TRPM3: variants seen among roughly 807,000 people sequenced by gnomAD.
The protein encoded by TRPM3 is transient receptor potential cation channel subfamily M member 3, also known as long transient receptor potential channel 3.
Under a neutral mutation model 181.2 loss-of-function variants are expected in TRPM3, and 77 were observed. That is an observed-to-expected ratio of 0.42 (90% CI 0.35 to 0.51). The LOEUF (loss-of-function observed/expected upper bound fraction) is 0.51, where lower values mean the gene tolerates loss of function less well. Among genes scored for constraint, TRPM3 ranks in the 20% least tolerant of loss-of-function variants. The probability of loss-of-function intolerance (pLI) is 0.01; values close to 1 mark genes in which losing one functional copy is unlikely to be tolerated. For synonymous variants in TRPM3, 745 were observed against 796.4 expected (o/e 0.94, Z 1.09); for missense variants, 1,759 against 2,196.7 (o/e 0.80, Z 3.98).
At chr9:70,899,064 T>C (rs2096342710) in intron 1 of TRPM3, among the ~76,000 whole-genome samples, 1 of 152,216 alleles carries the variant, frequency 6.6e-6, no homozygotes, top group South Asian at 2.1e-4. Flanking sequence ...ATAAAGTGTT[T>C]GGAGAATCTG....
chr9:71,299,529 AAAAAG>A (rs2086591401), intron 1 of TRPM3, among the ~76,000 whole-genome samples: 1 of 116,658 alleles, frequency 8.6e-6, no homozygotes, highest in South Asian at 2.9e-4. Flanking sequence ...GGAAGGGAGA[AAAAAG>A]AAAAGGAAGG....
At chr9:71,226,541 G>C (rs1219347322) in intron 1 of TRPM3, among the ~76,000 whole-genome samples, 2 of 151,874 alleles carry the variant, frequency 1.3e-5, no homozygotes, top group Non-Finnish European at 2.9e-5. Flanking sequence ...ACTTATATCA[G>C]ACAAAAATAT....
intron 1 of TRPM3, among the ~76,000 whole-genome samples, chr9:71,203,212 G>C (rs2078914039): frequency 2.0e-5 from 3 of 152,184 alleles, no homozygotes. Flanking sequence ...GAGCTGGTTA[G>C]AATGCTGGTT....
At chr9:71,407,820 C>A (rs887009369) in intron 1 of TRPM3, among the ~76,000 whole-genome samples, 42 of 152,268 alleles carry the variant, frequency 2.8e-4, no homozygotes, top group African/African-American at 9.9e-4. Context: ...GAGACACCTC[C>A]CAATAGGGGC....
Position 70,761,622 on chromosome 9 carries a change from C to T in TRPM3, c.1251G>A (p.Glu417=), listed in dbSNP as rs1325200082. ...QAQHLFIILM[E]CMKKKELITV... is the part of the protein sequence containing the mutation. The stretch of plus-strand genomic sequence containing the variant: ...CTACCAATTCCTTCTTCTTCATGCA[C>T]TCCATGAGGATGATGAACAGATGCT... The change falls in exon 8 of 26, where the codon GAG becomes GAA. Residue 417 remains glutamate, a synonymous_variant. Transcript: ENST00000677713. The T allele has an allele frequency of 6.2e-7, 1 of 1,613,902 alleles. No homozygotes were observed. Among genetic ancestry groups the T allele is most frequent in the African/African-American group, 1.3e-5 (1 of 74,920 alleles).
intron 14 of TRPM3, among the ~76,000 whole-genome samples, chr9:70,622,398 T>C (rs1331280087): frequency 6.6e-6 from 1 of 152,236 alleles, no homozygotes; most frequent in Non-Finnish European, 1.5e-5. Context: ...GAGCCTCTAT[T>C]ATCTGGAGAC....
intron 1 of TRPM3, among the ~76,000 whole-genome samples, chr9:71,327,402 C>T (rs915552309): frequency 6.6e-6 from 1 of 152,062 alleles, no homozygotes; most frequent in Non-Finnish European, 1.5e-5. Flanking sequence ...GCACTGTCTC[C>T]CCAAGAAATG....
chr9:71,145,601 G>T (rs142048484), intron 1 of TRPM3, among the ~76,000 whole-genome samples: 1 of 151,922 alleles, frequency 6.6e-6, no homozygotes, highest in South Asian at 2.1e-4. Flanking sequence ...AGGCATTTCC[G>T]TTTTCTATTT....
Position 70,603,480 on chromosome 9 carries a change from G to A in TRPM3, c.2668-10C>T, listed in dbSNP as rs764922174. 6.2e-7 allele frequency: 1 copy of A among 1,613,812 alleles called. No homozygotes were observed. Among genetic ancestry groups the A allele is most frequent in the Non-Finnish European group, 8.5e-7 (1 of 1,179,882 alleles). On this transcript the variant is annotated splice_polypyrimidine_tract_variant and intron_variant, in intron 19 of 25. Transcript: ENST00000677713. ...ATCCGATATACGCCAGCTGTAAGGAGACACAATACAGTGCTCTGGCTGTTC... is the reference window on the plus strand; with the variant it reads ...ATCCGATATACGCCAGCTGTAAGGAAACACAATACAGTGCTCTGGCTGTTC...
chr9:71,311,795 AT>A (rs1276642399), intron 1 of TRPM3, among the ~76,000 whole-genome samples: 8 of 151,982 alleles, frequency 5.3e-5, no homozygotes, highest in Admixed American at 1.3e-4. Context: ...GCAAAAAAAA[AT>A]AATAAAATAA....
At chr9:70,626,784 C>T (rs939838590) in intron 12 of TRPM3, among the ~76,000 whole-genome samples, 3 of 152,050 alleles carry the variant, frequency 2.0e-5, no homozygotes, top group African/African-American at 7.2e-5. Context: ...TTTTGCTAAC[C>T]TGAGGGTAGG....
chr9:70,915,014 C>G (rs927322094), intron 1 of TRPM3, among the ~76,000 whole-genome samples: 1 of 152,146 alleles, frequency 6.6e-6, no homozygotes, highest in Non-Finnish European at 1.5e-5. Flanking sequence ...CTGAAGACTA[C>G]AATAAATACC....
At chr9:70,986,822 G>C (rs908986991) in intron 1 of TRPM3, among the ~76,000 whole-genome samples, 3 of 151,990 alleles carry the variant, frequency 2.0e-5, no homozygotes, top group African/African-American at 7.3e-5. Context: ...GGAGGACACG[G>C]TATATCAGTC....
chr9:71,103,505 T>G (rs1211515381), intron 1 of TRPM3, among the ~76,000 whole-genome samples: 1 of 152,192 alleles, frequency 6.6e-6, no homozygotes, highest in Non-Finnish European at 1.5e-5. Flanking sequence ...ACTGTGTCAT[T>G]GTGATATTTA....
chr9:70,862,631 T>C (rs1351453134), intron 3 of TRPM3, among the ~76,000 whole-genome samples: 1 of 152,166 alleles, frequency 6.6e-6, no homozygotes, highest in Admixed American at 6.5e-5. Flanking sequence ...TATAGAAAGC[T>C]ATTTTAAAAT....
chr9:70,787,763 C>CTTTTTTTTTTTTTTTTTTTTTTTTTTTTT, intron 6 of TRPM3, among the ~76,000 whole-genome samples: 37 of 68,558 alleles, frequency 5.4e-4, no homozygotes, highest in African/African-American at 8.2e-4. Context: ...TTTTTGGATT[C>CTTTTTTTTTTTTTTTTTTTTTTTTTTTTT]TTTTTTTTTT....
intron 1 of TRPM3, among the ~76,000 whole-genome samples, chr9:71,338,532 T>C (rs879848134): frequency 6.6e-6 from 1 of 152,082 alleles, no homozygotes; most frequent in Admixed American, 6.6e-5. Context: ...AAAGAACCTA[T>C]GATCAATGTT....
intron 1 of TRPM3, among the ~76,000 whole-genome samples, chr9:71,111,474 C>A (rs2071078593): frequency 6.6e-6 from 1 of 152,016 alleles, no homozygotes; most frequent in Non-Finnish European, 1.5e-5. Context: ...GGGATGGCAT[C>A]GCGGGGGTTG....
intron 1 of TRPM3, among the ~76,000 whole-genome samples, chr9:71,390,506 T>C (rs1370166981): frequency 6.6e-6 from 1 of 152,060 alleles, no homozygotes; most frequent in African/African-American, 2.4e-5. Context: ...AAAGGCAAGA[T>C]TCTCCTTTCT....
Sources: allele counts gnomAD v4.1 joint callset (sites outside exome capture counted in the v4.1 genomes callset), GRCh38; gene constraint gnomAD v4.1.1; transcripts MANE v1.5; gene names NCBI Gene and HGNC (gene_info 2026-07-23, HGNC 2026-07-21).